Variants in ATAD3B observed in about 807,000 individuals in gnomAD.
ATAD3B encodes ATPase family AAA domain-containing protein 3B.
Under a neutral mutation model 70.2 loss-of-function variants are expected in ATAD3B, and 59 were observed. The ratio of observed to expected loss-of-function variants is 0.84; its 90% CI spans 0.68 to 1.04. ATAD3B has a LOEUF of 1.04. Ranked by LOEUF, ATAD3B falls within the 50% of genes least tolerant of loss-of-function variation. The pLI, the probability that ATAD3B is intolerant of heterozygous loss-of-function variation, is 0.00. For missense variants in ATAD3B, 961 were observed against 913.4 expected (o/e 1.05, Z -0.67); for synonymous variants, 423 against 388.6 (o/e 1.09, Z -1.04).
At chr1:1,475,655 C>T (rs1209836692) in intron 1 of ATAD3B, among the ~76,000 whole-genome samples, 1 of 148,484 alleles carries the variant, frequency 6.7e-6, no homozygotes, top group African/African-American at 2.6e-5. Flanking sequence ...TGAGCACCAG[C>T]GCTCGCCCTG....
At position 1,485,075 on chromosome 1, in the gene ATAD3B, C is replaced by T. The variant is rs775366653; in HGVS notation, c.810C>T (p.Val270=). The change falls in exon 8 of 16, where the codon GTC becomes GTT. Residue 270 remains valine, a synonymous_variant. Transcript: ENST00000673477. The part of the protein sequence containing the change: ...GVYSAKNATA[V]TGRFIEARLG... ...ACTCAGCCAAGAATGCGACAGCCGT[C>T]ACTGGCCGCTTCATCGAGGCTCGGC... 4.6e-5 allele frequency: 74 copies of T among 1,608,946 alleles called. No homozygotes were observed. The highest frequency in any genetic ancestry group is 6.0e-5 in the Non-Finnish European group (71 of 1,178,686).
At chr1:1,480,515 TGTG>T (rs1639855484) in intron 4 of ATAD3B, among the ~76,000 whole-genome samples, 2 of 147,568 alleles carry the variant, frequency 1.4e-5, no homozygotes, top group African/African-American at 5.1e-5. Flanking sequence ...TGTTGCCTGT[TGTG>T]GGCATTGTAG....
chr1:1,472,020 A>G lies in ATAD3B; in HGVS notation c.136A>G (p.Lys46Glu), dbSNP rs1310839525. 5 of 1,238,286 alleles carry G rather than the reference A, an allele frequency of 4.0e-6. No individual in the cohort carries two copies. 76.7% of individuals were successfully genotyped at this position (1,238,286 alleles called of 1,614,324 possible). The change falls in exon 1 of 16, where the codon AAA becomes GAA. Residue 46 changes from lysine to glutamate, a missense_variant. Lys to Glu is a moderately conservative substitution (Grantham distance 56). Transcript: ENST00000673477. ...GGGAGACCGGCCGGCGCCCAAGGAC[A>G]AATGGAGCAACTTCGACCCCACCGG... ...GLGDRPAPKD[K>E]WSNFDPTGLE...
At chr1:1,501,128 G>A (rs192862180), downstream of ATAD3B, among the ~76,000 whole-genome samples, 13 of 151,848 alleles carry the variant, frequency 8.6e-5, no homozygotes, top group East Asian at 9.8e-4. Flanking sequence ...TTACTCTGTC[G>A]CCCAGGCTGG....
At chr1:1,484,037 G>A (rs1640069874) in intron 7 of ATAD3B, 1 of 152,146 alleles carries the variant, frequency 6.6e-6, no homozygotes, top group South Asian at 2.1e-4. Flanking sequence ...TGTGCGACCT[G>A]GGGCGCCACC....
At position 1,477,371 on chromosome 1, in the gene ATAD3B, C is replaced by T. The variant is rs748295232; in HGVS notation, c.282+21C>T. On this transcript the variant is annotated intron_variant, in intron 2 of 15. Transcript: ENST00000673477. ...TCAAAGTGAGTGGGGCCGGTGTGGG[C>T]GAGGAGGCCGGGGCGCACATGGGGT... 5.8e-5 allele frequency: 93 copies of T among 1,611,564 alleles called. 1 individual carries two copies. The highest frequency in any genetic ancestry group is 7.0e-5 in the Non-Finnish European group (82 of 1,179,582).
rs752220739 is a variant in ATAD3B, at chr1:1,486,095, CG to C, written c.964-14del. 21 of 1,612,938 alleles carry C rather than the reference CG, an allele frequency of 1.3e-5. No individual in the cohort carries two copies. Among genetic ancestry groups the C allele is most frequent in the Non-Finnish European group, 1.8e-5 (21 of 1,179,610 alleles). On this transcript the variant is annotated splice_polypyrimidine_tract_variant and intron_variant, in intron 9 of 15. Transcript: ENST00000673477. ...GTGCAGAGTGTCTCCCCCAAACCCC[CG>C]TCTTCCCCGGCAGCCCAGCCTGGAA...
the ATAD3B span, chr1:1,509,370 C>G: frequency 1.6e-4 from 260 of 1,605,870 alleles, 1 homozygote; most frequent in South Asian, 9.8e-4. Flanking sequence ...GGAGACCACA[C>G]CTCACGGAGC....
intron 15 of ATAD3B, 64 bp from the exon 16 acceptor site, chr1:1,495,421 T>TCATTAA (rs1640732502): frequency 6.5e-7 from 1 of 1,534,106 alleles, no homozygotes; most frequent in African/African-American, 1.4e-5. Context: ...CTCGGGGCCC[T>TCATTAA]GGCGTGCATT....
chr1:1,482,850 A>C, intron 7 of ATAD3B: 8 of 624,716 alleles, frequency 1.3e-5, no homozygotes, highest in Non-Finnish European at 1.7e-5. Context: ...CGAAGAATAA[A>C]ACATTAGCTG....
At chr1:1,474,251 C>T (rs1444486248) in intron 1 of ATAD3B, among the ~76,000 whole-genome samples, 7 of 151,022 alleles carry the variant, frequency 4.6e-5, no homozygotes, top group Non-Finnish European at 7.4e-5. Flanking sequence ...AGTGCAGTGG[C>T]GTGATCACGG....
chr1:1,492,662 G>A (rs545785154), intron 15 of ATAD3B, among the ~76,000 whole-genome samples: 5 of 151,820 alleles, frequency 3.3e-5, no homozygotes, highest in Non-Finnish European at 4.4e-5. Context: ...GGACGGGGCC[G>A]GGTGTGGTGA....
rs1202849349 is a variant in ATAD3B, at chr1:1,496,176, A to G, written c.*359A>G. On this transcript the variant is annotated 3_prime_UTR_variant, in exon 16 of 16. Transcript: ENST00000673477. ...CTGTGGCTGGAGCTGGTGTGTGTTT[A>G]TCTAATAAAGTCCCACAGGTGCCTC... 1.9e-6 allele frequency: 2 copies of G among 1,043,666 alleles called. No homozygotes were observed. Among genetic ancestry groups the G allele is most frequent in the Admixed American group, 1.0e-4 (2 of 19,686 alleles). The allele number at this position is 1,043,666 out of a possible 1,614,324, so 64.7% of individuals were successfully genotyped here.
intron 4 of ATAD3B, among the ~76,000 whole-genome samples, chr1:1,480,309 G>A (rs1458309314): frequency 6.9e-6 from 1 of 144,990 alleles, no homozygotes; most frequent in East Asian, 2.1e-4. Context: ...TTCCACAGCA[G>A]CGGCTCTCCA....
chr1:1,480,528 G>T (rs1639856210), intron 4 of ATAD3B, among the ~76,000 whole-genome samples: 1 of 147,680 alleles, frequency 6.8e-6, no homozygotes, highest in Non-Finnish European at 1.5e-5. Context: ...GGGCATTGTA[G>T]CTTTAACGTT....
At chr1:1,473,747 A>G (rs1467864180) in intron 1 of ATAD3B, among the ~76,000 whole-genome samples, 12 of 145,572 alleles carry the variant, frequency 8.2e-5, no homozygotes, top group African/African-American at 2.0e-4. Flanking sequence ...ACCCGCCTCG[A>G]CCTCCCAAAG....
downstream of ATAD3B, among the ~76,000 whole-genome samples, chr1:1,498,865 G>A (rs577236579): frequency 6.6e-6 from 1 of 151,986 alleles, no homozygotes; most frequent in Non-Finnish European, 1.5e-5. Flanking sequence ...TACTTCTATA[G>A]AAGGGGGCGT....
intron 1 of ATAD3B, among the ~76,000 whole-genome samples, chr1:1,473,736 C>T (rs1425861145): frequency 6.6e-6 from 1 of 152,044 alleles, no homozygotes; most frequent in Non-Finnish European, 1.5e-5. Context: ...CCCCGTGATC[C>T]ACCCGCCTCG....
Position 1,490,002 on chromosome 1 carries a change from G to A in ATAD3B, c.1338-255G>A, listed in dbSNP as rs1381733513. 151 of 1,340,010 alleles carry A rather than the reference G, an allele frequency of 1.1e-4. No homozygotes were observed. The East Asian group carries it at 4.3e-3, about 38-fold the overall frequency. The allele number at this position is 1,340,010 out of a possible 1,614,324, so 83.0% of individuals were successfully genotyped here. On this transcript the variant is annotated intron_variant, in intron 13 of 15. Transcript: ENST00000673477. Reference sequence around the variant, plus strand: ...CCCGGCACTGCCTATCAGGCTGGGCGAGGGTCAGCGGGGAAGTACCACACA... The same window carrying A: ...CCCGGCACTGCCTATCAGGCTGGGCAAGGGTCAGCGGGGAAGTACCACACA...
Sources: allele counts gnomAD v4.1 joint callset (sites outside exome capture counted in the v4.1 genomes callset), GRCh38; gene constraint gnomAD v4.1.1; transcripts MANE v1.5; gene names NCBI Gene and HGNC (gene_info 2026-07-23, HGNC 2026-07-21).